Variants in DNAJC6 observed in about 807,000 individuals in gnomAD.
DNAJC6 encodes the protein DnaJ heat shock protein family (Hsp40) member C6, also known as auxilin.
A neutral mutation model predicts 110.0 loss-of-function variants in DNAJC6; 34 were observed. The ratio of observed to expected loss-of-function variants is 0.31; its 90% CI spans 0.24 to 0.41. DNAJC6 has a LOEUF of 0.41. Ranked by LOEUF, DNAJC6 falls within the 10% of genes least tolerant of loss-of-function variation. The probability of loss-of-function intolerance (pLI) is 1.00; values close to 1 mark genes in which losing one functional copy is unlikely to be tolerated. For synonymous variants in DNAJC6, 406 were observed against 437.2 expected (o/e 0.93, Z 0.89); for missense variants, 1,031 against 1,207.8 (o/e 0.85, Z 2.17).
At chr1:65,336,826 T>C (rs1433454232) in intron 1 of DNAJC6, among the ~76,000 whole-genome samples, 1 of 152,220 alleles carries the variant, frequency 6.6e-6, no homozygotes, top group Non-Finnish European at 1.5e-5. Flanking sequence ...ATCTTAATAG[T>C]CCTTACTATC....
At chr1:65,331,886 G>A (rs1231025571) in intron 1 of DNAJC6, among the ~76,000 whole-genome samples, 1 of 152,170 alleles carries the variant, frequency 6.6e-6, no homozygotes, top group African/African-American at 2.4e-5. Context: ...AGCTATCACA[G>A]GACTTATTCC....
chr1:65,392,238 C>T (rs1437181797), intron 11 of DNAJC6, among the ~76,000 whole-genome samples, 193 bp from the exon 12 acceptor site: 1 of 152,176 alleles, frequency 6.6e-6, no homozygotes, highest in Non-Finnish European at 1.5e-5. Context: ...TCTACTGCCT[C>T]TCAGATGCTC....
At chr1:65,318,130 T>G (rs566917264) in intron 1 of DNAJC6, among the ~76,000 whole-genome samples, 1 of 151,962 alleles carries the variant, frequency 6.6e-6, no homozygotes, top group Non-Finnish European at 1.5e-5. Flanking sequence ...CAGTGAAGAT[T>G]TGGAGATGGG....
At position 65,309,704 on chromosome 1, in the gene DNAJC6, G is replaced by C; in HGVS notation, c.-42G>C. On this transcript the variant is annotated 5_prime_UTR_variant, in exon 1 of 19. Transcript: ENST00000371069. ...CTTTCCACCTTCCATCTCCCTTTTC[G>C]CTTCCCAGGTTGATTATTTTCTCTT... 1.3e-6 allele frequency: 2 copies of C among 1,521,436 alleles called. No individual in the cohort carries two copies. Among genetic ancestry groups the C allele is most frequent in the South Asian group, 2.4e-5 (2 of 81,704 alleles). 94.2% of individuals were successfully genotyped at this position (1,521,436 alleles called of 1,614,324 possible).
intron 1 of DNAJC6, chr1:65,298,700 G>A (rs968756953): frequency 2.0e-5 from 3 of 152,162 alleles, no homozygotes; most frequent in Non-Finnish European, 4.4e-5. Flanking sequence ...CACAGGTACA[G>A]TGACAAACTT....
chr1:65,298,968 G>C (rs1404811153), intron 1 of DNAJC6: 1 of 152,236 alleles, frequency 6.6e-6, no homozygotes, highest in Non-Finnish European at 1.5e-5. Flanking sequence ...AAGGCACTGA[G>C]AGCCATGGTA....
At chr1:65,404,170 G>GT (rs1646054569) in intron 15 of DNAJC6, among the ~76,000 whole-genome samples, 1 of 152,216 alleles carries the variant, frequency 6.6e-6, no homozygotes, top group South Asian at 2.1e-4. Flanking sequence ...TATGGAATGA[G>GT]TGGGGCAATG....
At chr1:65,308,537 T>C (rs1395476233), upstream of DNAJC6, among the ~76,000 whole-genome samples, 1 of 152,234 alleles carries the variant, frequency 6.6e-6, no homozygotes, top group Non-Finnish European at 1.5e-5. Context: ...ACTTATACAA[T>C]GTCGGAGTCT....
intron 1 of DNAJC6, among the ~76,000 whole-genome samples, chr1:65,319,011 G>C (rs933369100): frequency 2.0e-5 from 3 of 152,160 alleles, no homozygotes; most frequent in Admixed American, 1.3e-4. Flanking sequence ...GATGACCTGA[G>C]AAACAACGAA....
chr1:65,307,808 T>C (rs528997503), upstream of DNAJC6, among the ~76,000 whole-genome samples: 1 of 152,286 alleles, frequency 6.6e-6, no homozygotes, highest in Admixed American at 6.5e-5. Context: ...AGTATAAAAA[T>C]TTGTTTTAAA....
intron 1 of DNAJC6, among the ~76,000 whole-genome samples, chr1:65,351,496 C>G (rs187996589): frequency 6.6e-6 from 1 of 152,286 alleles, no homozygotes; most frequent in Admixed American, 6.5e-5. Flanking sequence ...GAGGAATTGT[C>G]AGAGGATCTC....
At chr1:65,302,857 T>C (rs1335662970) in intron 1 of DNAJC6, among the ~76,000 whole-genome samples, 1 of 152,178 alleles carries the variant, frequency 6.6e-6, no homozygotes, top group African/African-American at 2.4e-5. Flanking sequence ...TCTTATCCTC[T>C]CTTGCCTTCC....
intron 1 of DNAJC6, among the ~76,000 whole-genome samples, chr1:65,312,163 GTGT>G (rs1557515580): frequency 6.6e-6 from 1 of 152,310 alleles, no homozygotes; most frequent in East Asian, 1.9e-4. Flanking sequence ...GATCAAAGTG[GTGT>G]TGTGTGAAGA....
At position 65,309,783 on chromosome 1, in the gene DNAJC6, A is replaced by T; in HGVS notation, c.38A>T (p.Asn13Ile). ...LLGSYRKKTS[N>I]DGYESLQLVD... ...GGGAGCTACCGGAAAAAGACCAGCAACGATGGTTATGAATCTTTGCAGCTG... is the reference window on the plus strand; with the variant it reads ...GGGAGCTACCGGAAAAAGACCAGCATCGATGGTTATGAATCTTTGCAGCTG... Residue 13 changes from asparagine (N) to isoleucine (I), a missense_variant, in exon 1 of 19, where the codon AAC becomes ATC. Transcript: ENST00000371069. 6.5e-7 allele frequency: 1 copy of T among 1,549,238 alleles called. No individual in the cohort carries two copies. Among genetic ancestry groups the T allele is most frequent in the Non-Finnish European group, 8.7e-7 (1 of 1,146,396 alleles).
At chr1:65,297,806 G>A in intron 1 of DNAJC6, among the ~76,000 whole-genome samples, 1 of 152,272 alleles carries the variant, frequency 6.6e-6, no homozygotes, top group Non-Finnish European at 1.5e-5. Context: ...GCTCCTTGGG[G>A]TAACATCATT....
chr1:65,358,771 GA>G (rs1311814956), intron 1 of DNAJC6, among the ~76,000 whole-genome samples: 2 of 151,970 alleles, frequency 1.3e-5, no homozygotes, highest in Non-Finnish European at 2.9e-5. Flanking sequence ...CCTTACTATT[GA>G]AAAAAATACA....
At chr1:65,344,176 G>T (rs1645415483) in intron 1 of DNAJC6, among the ~76,000 whole-genome samples, 1 of 152,212 alleles carries the variant, frequency 6.6e-6, no homozygotes, top group Non-Finnish European at 1.5e-5. Flanking sequence ...CCACCAGGGT[G>T]CAGCCTGCAG....
intron 1 of DNAJC6, among the ~76,000 whole-genome samples, chr1:65,353,171 G>C (rs540511074): frequency 4.3e-4 from 66 of 152,284 alleles, no homozygotes; most frequent in African/African-American, 1.6e-3. Flanking sequence ...CTTTTGATTA[G>C]AGAAGGGAGG....
intron 1 of DNAJC6, among the ~76,000 whole-genome samples, chr1:65,277,145 T>G (rs1244541951): frequency 6.6e-6 from 1 of 152,230 alleles, no homozygotes; most frequent in African/African-American, 2.4e-5. Context: ...TGTTTTTTTT[T>G]GTTTGTTTTA....
Sources: gnomAD v4.1 joint callset for allele counts (sites outside exome capture counted in the v4.1 genomes callset) on GRCh38, gnomAD v4.1.1 for gene constraint, MANE v1.5 for transcripts, NCBI Gene and HGNC (gene_info 2026-07-23, HGNC 2026-07-21) for gene names.